COPB2: variants seen among roughly 807,000 people sequenced by gnomAD.
COPB2 encodes coat protein complex I subunit beta 2, also known as coatomer subunit beta'.
Under a neutral mutation model 120.8 loss-of-function variants are expected in COPB2, and 16 were observed. The ratio of observed to expected loss-of-function variants is 0.13; its 90% confidence interval spans 0.09 to 0.20. The LOEUF is 0.20. Ranked by LOEUF, COPB2 falls within the 10% of genes least tolerant of loss-of-function variation. COPB2 has a pLI of 1.00. For missense variants in COPB2, 794 were observed against 1,076.5 expected (o/e 0.74, Z 3.67); for synonymous variants, 332 against 366.3 (o/e 0.91, Z 1.07).
At chr3:139,371,948 C>A in intron 9 of COPB2, 115 bp from the exon 10 acceptor site, 2 of 703,894 alleles carry the variant, frequency 2.8e-6, no homozygotes, top group South Asian at 2.2e-5. Flanking sequence ...TTATTTAGTT[C>A]ATTATTACAA....
intron 1 of COPB2, chr3:139,385,276 A>C (rs1941898269): frequency 6.6e-6 from 1 of 152,374 alleles, no homozygotes; most frequent in South Asian, 2.1e-4. Flanking sequence ...TGACCTTGTG[A>C]TCCGCCCGCC....
chr3:139,364,931 TA>T lies in COPB2; in HGVS notation c.1884+1636del, dbSNP rs149465035. On this transcript the variant is annotated intron_variant, in intron 15 of 21. Transcript: ENST00000333188. Reference sequence around the variant, plus strand: ...AGGAACGTGAAGGAAGCATACCATATAGGGGGAAGAGAAAACTTCAAAATCT... The same window carrying T: ...AGGAACGTGAAGGAAGCATACCATATGGGGGAAGAGAAAACTTCAAAATCT... Among the ~76,000 whole-genome samples the T allele has an allele frequency of 7.5e-3, 1,141 of 152,126 alleles. 7 individuals are homozygous for T. Among genetic ancestry groups the T allele is most frequent in the Non-Finnish European group, 0.011 (725 of 67,990 alleles).
In COPB2 at chr3:139,375,489, A is replaced by C. The variant is rs1200612626; in HGVS notation, c.630T>G (p.Leu210=). The change falls in exon 6 of 22, where the codon CTT becomes CTG. Residue 210 remains leucine (L), a synonymous_variant. Coordinates refer to ENST00000333188, the MANE Select transcript of COPB2 (RefSeq NM_004766.3). The part of the protein sequence containing the change: ...PYLISGADDR[L]VKIWDYQNKT... ...GTACCTGATAATCCCATATTTTAACAAGACGGTCATCTGCACCTGAAATGA... is the reference window on the plus strand; with the variant it reads ...GTACCTGATAATCCCATATTTTAACCAGACGGTCATCTGCACCTGAAATGA... The C allele has an allele frequency of 6.2e-7, 1 of 1,613,306 alleles. No homozygotes were observed. Among genetic ancestry groups the C allele is most frequent in the South Asian group, 1.1e-5 (1 of 90,948 alleles).
chr3:139,374,848 A>T (rs1251146293), intron 6 of COPB2, among the ~76,000 whole-genome samples: 1 of 152,222 alleles, frequency 6.6e-6, no homozygotes, highest in African/African-American at 2.4e-5. Context: ...TTGTCTGAAT[A>T]TTATTCCCCC....
chr3:139,382,025 CAAAT>C (rs1431022261), intron 2 of COPB2: 5 of 152,012 alleles, frequency 3.3e-5, no homozygotes, highest in Non-Finnish European at 7.4e-5. Context: ...ATTGGTTGAA[CAAAT>C]AATTATTGAG....
chr3:139,373,442 T>C lies in COPB2; in HGVS notation c.895-30A>G, dbSNP rs750340058. ...AAGAAAGAAAAATAGCTCTCAGCAATGAAAAGGAAAATGAATAAAACCAAA... is the reference window on the plus strand; with the variant it reads ...AAGAAAGAAAAATAGCTCTCAGCAACGAAAAGGAAAATGAATAAAACCAAA... On this transcript the variant is annotated intron_variant, in intron 8 of 21. Coordinates refer to ENST00000333188, the MANE Select transcript of COPB2 (RefSeq NM_004766.3). 4 of 1,610,736 alleles carry C rather than the reference T, an allele frequency of 2.5e-6. No individual in the cohort carries two copies. The South Asian group carries it at 4.4e-5, about 18-fold the overall frequency.
intron 10 of COPB2, among the ~76,000 whole-genome samples, chr3:139,370,479 G>A (rs1378646622): frequency 2.6e-5 from 4 of 152,194 alleles, no homozygotes; most frequent in Non-Finnish European, 5.9e-5. Flanking sequence ...AACTAAAACT[G>A]CAGGAAGGGA....
Position 139,383,394 on chromosome 3 carries a change from A to G in COPB2, c.45T>C (p.Ser15=). ...GCAGATCCACACTCTTAACTCGATC[A>G]GATCTAGCAGTTAGCTTTCTTTTGA... ...LDIKRKLTAR[S]DRVKSVDLHP... is the part of the protein sequence containing the mutation. The change falls in exon 2 of 22, where the codon TCT becomes TCC. Residue 15 remains serine (S), a synonymous_variant. Transcript: ENST00000333188. The G allele has an allele frequency of 6.3e-7, 1 of 1,589,814 alleles. No homozygotes were observed. The highest frequency in any genetic ancestry group is 1.3e-5 in the African/African-American group (1 of 74,222).
At chr3:139,361,963 C>A (rs989669476) in intron 16 of COPB2, among the ~76,000 whole-genome samples, 1 of 152,204 alleles carries the variant, frequency 6.6e-6, no homozygotes, top group Admixed American at 6.5e-5. Flanking sequence ...GCCACCAAGG[C>A]AGCACTGTCC....
chr3:139,387,878 G>A (rs1431081112), intron 1 of COPB2, among the ~76,000 whole-genome samples: 2 of 152,166 alleles, frequency 1.3e-5, no homozygotes, highest in African/African-American at 4.8e-5. Flanking sequence ...AGTTAGAGCA[G>A]TGCCTGACCT....
intron 2 of COPB2, chr3:139,380,260 T>TC (rs1223309609): frequency 6.6e-6 from 1 of 152,104 alleles, no homozygotes; most frequent in Admixed American, 6.5e-5. Context: ...GATCCACCCG[T>TC]CTCAGCCTCC....
intron 16 of COPB2, 107 bp from the exon 17 acceptor site, chr3:139,361,402 T>C: frequency 9.0e-7 from 1 of 1,113,772 alleles, no homozygotes; most frequent in Non-Finnish European, 1.3e-6. Flanking sequence ...AGAGCTGTGT[T>C]TGTTAAGTTG....
At chr3:139,363,733 T>C (rs1303388004) in intron 15 of COPB2, among the ~76,000 whole-genome samples, 1 of 152,190 alleles carries the variant, frequency 6.6e-6, no homozygotes, top group Non-Finnish European at 1.5e-5. Context: ...GCTTTAGGGT[T>C]CTGTCTGGCT....
Position 139,366,783 on chromosome 3 carries a change from A to G in COPB2, c.1677-8T>C. 6.2e-7 allele frequency: 1 copy of G among 1,609,404 alleles called. No homozygotes were observed. The highest frequency in any genetic ancestry group is 8.5e-7 in the Non-Finnish European group (1 of 1,177,190). ...CCTAGGAGATACATCGTCCTATAAA[A>G]GAAACAGAAACCAAGTTAGAAATTC... On this transcript the variant is annotated splice_polypyrimidine_tract_variant and splice_region_variant and intron_variant, in intron 14 of 21. Coordinates refer to ENST00000333188, the MANE Select transcript of COPB2 (RefSeq NM_004766.3).
At chr3:139,378,984 T>C in intron 4 of COPB2, 63 bp downstream of exon 4, 1 of 1,481,510 alleles carries the variant, frequency 6.7e-7, no homozygotes. Flanking sequence ...GCATAGCATG[T>C]CTCAGTGAAT....
intron 15 of COPB2, among the ~76,000 whole-genome samples, chr3:139,364,453 T>A (rs944050373): frequency 2.0e-5 from 3 of 152,168 alleles, no homozygotes; most frequent in Admixed American, 6.6e-5. Flanking sequence ...CAGGAGATTA[T>A]GAAAATGGAT....
chr3:139,371,569 T>G (rs1192893534), intron 10 of COPB2, among the ~76,000 whole-genome samples, 154 bp downstream of exon 10: 3 of 152,202 alleles, frequency 2.0e-5, no homozygotes, highest in African/African-American at 4.8e-5. Context: ...TGCTATACAC[T>G]CGCCTCTGAC....
intron 9 of COPB2, 22 bp downstream of exon 9, chr3:139,373,191 G>A (rs1000206429): frequency 6.2e-7 from 1 of 1,611,918 alleles, no homozygotes; most frequent in Admixed American, 1.7e-5. Flanking sequence ...GAAGCTGAGG[G>A]ACAATTTTGG....
chr3:139,383,397 T>C lies in COPB2; in HGVS notation c.42A>G (p.Arg14=), dbSNP rs759797435. The C allele has an allele frequency of 1.4e-5, 22 of 1,590,784 alleles. No individual in the cohort carries two copies. The highest frequency in any genetic ancestry group is 1.9e-5 in the Non-Finnish European group (22 of 1,169,444). The part of the protein sequence containing the change: ...RLDIKRKLTA[R]SDRVKSVDLH... ...GATCCACACTCTTAACTCGATCAGATCTAGCAGTTAGCTTTCTTTTGATAT... is the reference window on the plus strand; with the variant it reads ...GATCCACACTCTTAACTCGATCAGACCTAGCAGTTAGCTTTCTTTTGATAT... The change falls in exon 2 of 22, where the codon AGA becomes AGG. Residue 14 remains arginine (R), a synonymous_variant. Coordinates refer to ENST00000333188, the MANE Select transcript of COPB2 (RefSeq NM_004766.3).
Sources: gnomAD v4.1 joint callset for allele counts (sites outside exome capture counted in the v4.1 genomes callset) on GRCh38, gnomAD v4.1.1 for gene constraint, MANE v1.5 for transcripts, NCBI Gene and HGNC (gene_info 2026-07-23, HGNC 2026-07-21) for gene names.